CEP128: variants seen among roughly 807,000 people sequenced by gnomAD.
CEP128 encodes centrosomal protein 128kDa.
Under a neutral mutation model 156.7 loss-of-function variants are expected in CEP128, and 132 were observed. The ratio of observed to expected loss-of-function variants is 0.84; its 90% CI spans 0.73 to 0.97. CEP128 has a LOEUF of 0.97. Among genes scored for constraint, CEP128 ranks in the 50% least tolerant of loss-of-function variants. The pLI is 0.00. For missense variants in CEP128, 1,252 were observed against 1,281.9 expected, an observed-to-expected ratio of 0.98 and a Z score of 0.36; for synonymous variants, 469 against 448.9, an observed-to-expected ratio of 1.04 and a Z score of -0.57.
chr14:80,630,127 A>G (rs754747473), intron 19 of CEP128, among the ~76,000 whole-genome samples: 5 of 151,992 alleles, frequency 3.3e-5, no homozygotes, highest in African/African-American at 9.7e-5. Context: ...GTAGTGGTCA[A>G]TGTAGACGTA....
At chr14:80,643,337 G>C (rs2140803410) in intron 19 of CEP128, among the ~76,000 whole-genome samples, 1 of 152,278 alleles carries the variant, frequency 6.6e-6, no homozygotes, top group South Asian at 2.1e-4. Context: ...CAATAATGGA[G>C]GCCAGCGGCA....
intron 18 of CEP128, among the ~76,000 whole-genome samples, chr14:80,750,146 G>A (rs371226726): frequency 5.3e-5 from 8 of 152,112 alleles, no homozygotes; most frequent in African/African-American, 9.7e-5. Context: ...AATCATAAGC[G>A]TAAGGTAGAA....
At chr14:80,837,533 T>G (rs1481325766) in intron 11 of CEP128, among the ~76,000 whole-genome samples, 1 of 152,068 alleles carries the variant, frequency 6.6e-6, no homozygotes, top group Admixed American at 6.5e-5. Context: ...CTGGCCAACA[T>G]GGTGAAACCC....
intron 13 of CEP128, among the ~76,000 whole-genome samples, chr14:80,795,945 G>A (rs952169143): frequency 6.6e-6 from 1 of 151,958 alleles, no homozygotes; most frequent in Non-Finnish European, 1.5e-5. Flanking sequence ...AAAACTAACA[G>A]TAAAGATTTT....
intron 21 of CEP128, among the ~76,000 whole-genome samples, chr14:80,550,818 A>AG: frequency 6.6e-6 from 1 of 151,564 alleles, no homozygotes; most frequent in Non-Finnish European, 1.5e-5. Flanking sequence ...AATGTAAAAA[A>AG]AAAAAAAAAA....
At position 80,536,344 on chromosome 14, in the gene CEP128, T is replaced by G. The variant is rs116436952; in HGVS notation, c.2881-5458A>C. ...TAACAACTACCATTTTCTTATAGTG[T>G]TATTGAAATCATATGTGTTTTGAGG... On this transcript the variant is annotated intron_variant, in intron 21 of 24. Coordinates refer to ENST00000555265, the MANE Select transcript of CEP128 (RefSeq NM_152446.5). Among the ~76,000 whole-genome samples the G allele has an allele frequency of 2.9e-3, 443 of 152,324 alleles. 1 individual carries two copies. The highest frequency in any genetic ancestry group is 8.9e-3 in the African/African-American group (369 of 41,572).
In CEP128 at chr14:80,747,895, G is replaced by A. The variant is rs141403913; in HGVS notation, c.2614-4628C>T. 1.9e-3 allele frequency among the ~76,000 whole-genome samples: 284 copies of A among 152,280 alleles called. 2 individuals carry two copies. The highest frequency in any genetic ancestry group is 6.6e-3 in the African/African-American group (273 of 41,548). Reference sequence around the variant, plus strand: ...TGGATTTATAGGTGATGGCTAAGGCGTCCTGATTTTCTACTTGAGGTGATG... The same window carrying A: ...TGGATTTATAGGTGATGGCTAAGGCATCCTGATTTTCTACTTGAGGTGATG... On this transcript the variant is annotated intron_variant, in intron 18 of 24. Coordinates refer to ENST00000555265, the MANE Select transcript of CEP128 (RefSeq NM_152446.5).
chr14:80,592,248 A>T (rs891958047), intron 19 of CEP128, among the ~76,000 whole-genome samples: 3 of 152,176 alleles, frequency 2.0e-5, no homozygotes, highest in Non-Finnish European at 2.9e-5. Context: ...AACAAAATAG[A>T]CCACTATCCA....
At chr14:80,562,562 AAGTT>A (rs1421241539) in intron 20 of CEP128, among the ~76,000 whole-genome samples, 5 of 152,132 alleles carry the variant, frequency 3.3e-5, no homozygotes, top group Non-Finnish European at 1.5e-5. Flanking sequence ...TTGGTAAACA[AAGTT>A]AGTTATATAT....
chr14:80,815,381 G>T (rs1241075280), intron 13 of CEP128, among the ~76,000 whole-genome samples: 1 of 152,140 alleles, frequency 6.6e-6, no homozygotes, highest in Non-Finnish European at 1.5e-5. Context: ...CCTTACACCA[G>T]TCAGAATGGT....
intron 19 of CEP128, among the ~76,000 whole-genome samples, chr14:80,737,336 GGAGGT>G (rs1566886210): frequency 6.6e-6 from 1 of 151,876 alleles, no homozygotes; most frequent in Admixed American, 6.6e-5. Context: ...CCTAGAAGGC[GGAGGT>G]TACAGTGAGC....
At chr14:80,951,885 A>G (rs1264172795) in intron 2 of CEP128, among the ~76,000 whole-genome samples, 1 of 152,126 alleles carries the variant, frequency 6.6e-6, no homozygotes, top group Non-Finnish European at 1.5e-5. Flanking sequence ...AGAGCAAAGG[A>G]TATCACAAGG....
chr14:80,838,400 T>G, intron 10 of CEP128, 122 bp from the exon 11 acceptor site: 1 of 635,018 alleles, frequency 1.6e-6, no homozygotes, highest in Non-Finnish European at 2.8e-6. Context: ...ACAGCTAATA[T>G]AAAAGAATAA....
intron 2 of CEP128, among the ~76,000 whole-genome samples, chr14:80,926,821 A>G (rs1040317489): frequency 6.6e-6 from 1 of 152,152 alleles, no homozygotes; most frequent in African/African-American, 2.4e-5. Context: ...AGCTACCACC[A>G]TTGCCTGCAT....
chr14:80,765,761 C>T (rs1486989586), intron 16 of CEP128, among the ~76,000 whole-genome samples: 1 of 152,000 alleles, frequency 6.6e-6, no homozygotes, highest in Non-Finnish European at 1.5e-5. Context: ...ATAAACCAAC[C>T]CCTAATTTTA....
chr14:80,826,293 G>C (rs1305182480), intron 13 of CEP128, among the ~76,000 whole-genome samples: 1 of 151,794 alleles, frequency 6.6e-6, no homozygotes, highest in Non-Finnish European at 1.5e-5. Context: ...GCCAATGTTT[G>C]TTTTCTTTAT....
intron 13 of CEP128, among the ~76,000 whole-genome samples, chr14:80,821,477 C>T (rs776258283): frequency 1.8e-4 from 28 of 152,170 alleles, no homozygotes; most frequent in Middle Eastern, 3.4e-3. Context: ...AATAAGTATT[C>T]CCAAAGCTGT....
At chr14:80,523,818 G>A (rs912058935) in intron 23 of CEP128, among the ~76,000 whole-genome samples, 1 of 152,184 alleles carries the variant, frequency 6.6e-6, no homozygotes, top group African/African-American at 2.4e-5. Context: ...AAAGGAAGAA[G>A]TAGATTAGTA....
chr14:80,703,591 T>C (rs569467551), intron 19 of CEP128, among the ~76,000 whole-genome samples: 2 of 152,196 alleles, frequency 1.3e-5, no homozygotes, highest in Non-Finnish European at 2.9e-5. Context: ...TTCAAAAATA[T>C]TAAAACCAAT....
Sources: allele counts gnomAD v4.1 joint callset (sites outside exome capture counted in the v4.1 genomes callset), GRCh38; gene constraint gnomAD v4.1.1; transcripts MANE v1.5; gene names NCBI Gene and HGNC (gene_info 2026-07-23, HGNC 2026-07-21).